The following PRIMPOL variants were observed in gnomAD, a reference collection of about 807,000 sequenced individuals.
The protein encoded by PRIMPOL is DNA-directed primase/polymerase protein.
A neutral mutation model predicts 63.6 loss-of-function variants in PRIMPOL; 54 were observed. The observed-to-expected ratio is 0.85, with a 90% CI of 0.68 to 1.07. The LOEUF is 1.07. Ranked by LOEUF, PRIMPOL falls within the 50% of genes least tolerant of loss-of-function variation. The pLI is 0.00. For missense variants in PRIMPOL, 610 were observed against 648.3 expected, an observed-to-expected ratio of 0.94 and a Z score of 0.64; for synonymous variants, 197 against 220.2, an observed-to-expected ratio of 0.89 and a Z score of 0.93.
At chr4:184,671,781 C>T (rs1425531885) in intron 6 of PRIMPOL, among the ~76,000 whole-genome samples, 1 of 132,414 alleles carries the variant, frequency 7.6e-6, no homozygotes, top group Non-Finnish European at 1.5e-5. Context: ...CTCACTCTGT[C>T]ACCCAGGCTG....
rs919057618 is a variant in PRIMPOL, at chr4:184,694,149, T to A, written c.1426-373T>A. 7 of 882,270 alleles carry A rather than the reference T, an allele frequency of 7.9e-6. No individual in the cohort carries two copies. In the African/African-American group the frequency reaches 1.3e-4, roughly 16 times the overall value. 54.7% of individuals were successfully genotyped at this position (882,270 alleles called of 1,614,324 possible). A position where few individuals can be genotyped will look rare whatever the true frequency, so the allele number is the denominator to read the frequency against. ...ACGATTTGCTAAATACTTTAAAATTTAAAGCATGGGTACTAAGTCCATTGT... is the reference window on the plus strand; with the variant it reads ...ACGATTTGCTAAATACTTTAAAATTAAAAGCATGGGTACTAAGTCCATTGT... On this transcript the variant is annotated intron_variant, in intron 13 of 13. Coordinates refer to ENST00000314970, the MANE Select transcript of PRIMPOL (RefSeq NM_152683.4).
intron 2 of PRIMPOL, among the ~76,000 whole-genome samples, chr4:184,654,876 C>G (rs1248257186): frequency 1.3e-5 from 2 of 152,012 alleles, no homozygotes; most frequent in African/African-American, 4.8e-5. Context: ...CTAGTATATA[C>G]TTTATATGTG....
intron 13 of PRIMPOL, among the ~76,000 whole-genome samples, chr4:184,692,885 CTATTAG>C (rs1477343229): frequency 2.6e-5 from 4 of 152,156 alleles, no homozygotes; most frequent in African/African-American, 9.7e-5. Context: ...TTCGGATTCA[CTATTAG>C]TATTTCTATA....
At chr4:184,677,180 A>G (rs1359150940) in intron 7 of PRIMPOL, among the ~76,000 whole-genome samples, 2 of 150,860 alleles carry the variant, frequency 1.3e-5, no homozygotes, top group Admixed American at 6.6e-5. Flanking sequence ...AGGATCTGCT[A>G]TGTTGCCCAG....
At chr4:184,658,705 G>A (rs538139775) in intron 3 of PRIMPOL, among the ~76,000 whole-genome samples, 1 of 152,118 alleles carries the variant, frequency 6.6e-6, no homozygotes, top group East Asian at 1.9e-4. Flanking sequence ...TCAGGAGTTC[G>A]AGACCAGCCT....
intron 8 of PRIMPOL, among the ~76,000 whole-genome samples, chr4:184,681,432 C>G (rs1259190381): frequency 6.6e-6 from 1 of 152,138 alleles, no homozygotes; most frequent in Non-Finnish European, 1.5e-5. Flanking sequence ...GTAACCCACA[C>G]GCATCCTCCC....
intron 7 of PRIMPOL, 48 bp from the exon 8 acceptor site, chr4:184,678,184 A>G: frequency 7.8e-7 from 1 of 1,275,966 alleles, no homozygotes; most frequent in South Asian, 1.5e-5. Context: ...CTATGAAACT[A>G]ATAACAGAAA....
chr4:184,688,770 G>A (rs993053629), intron 11 of PRIMPOL, among the ~76,000 whole-genome samples: 3 of 152,176 alleles, frequency 2.0e-5, no homozygotes, highest in Non-Finnish European at 4.4e-5. Context: ...AACGTCCTAC[G>A]AAGAGCATTC....
chr4:184,660,622 T>C (rs1040247081), intron 4 of PRIMPOL, among the ~76,000 whole-genome samples: 1 of 152,260 alleles, frequency 6.6e-6, no homozygotes, highest in Non-Finnish European at 1.5e-5. Flanking sequence ...TATGTTGATA[T>C]ACATGCAACA....
At chr4:184,654,706 C>T (rs1261014631) in intron 2 of PRIMPOL, among the ~76,000 whole-genome samples, 2 of 152,204 alleles carry the variant, frequency 1.3e-5, no homozygotes, top group East Asian at 1.9e-4. Flanking sequence ...CCTGCCTTGG[C>T]CTCCGAAAGT....
chr4:184,694,298 T>C, intron 13 of PRIMPOL: 1 of 1,320,806 alleles, frequency 7.6e-7, no homozygotes, highest in Non-Finnish European at 9.7e-7. Context: ...CTGTAGGTAA[T>C]TTCAAATTTG....
At chr4:184,656,766 G>C (rs2150033578) in intron 2 of PRIMPOL, among the ~76,000 whole-genome samples, 1 of 152,286 alleles carries the variant, frequency 6.6e-6, no homozygotes, top group South Asian at 2.1e-4. Flanking sequence ...GTAATTTAGA[G>C]ATTGCTTATG....
intron 11 of PRIMPOL, among the ~76,000 whole-genome samples, chr4:184,687,921 C>T (rs1757418840): frequency 1.3e-5 from 2 of 152,202 alleles, no homozygotes; most frequent in Non-Finnish European, 2.9e-5. Context: ...CGGCCATAAA[C>T]AATATAGTGT....
chr4:184,690,714 T>C (rs1175456648), intron 11 of PRIMPOL, among the ~76,000 whole-genome samples: 2 of 152,200 alleles, frequency 1.3e-5, no homozygotes, highest in African/African-American at 4.8e-5. Context: ...GTTAGTCACT[T>C]AATCCATGTA....
chr4:184,672,257 A>G lies in PRIMPOL; in HGVS notation c.641A>G (p.His214Arg), dbSNP rs1321297505. 3.1e-6 allele frequency: 5 copies of G among 1,613,994 alleles called. No individual in the cohort carries two copies. The Admixed American group carries it at 5.0e-5, about 16-fold the overall frequency. The change falls in exon 7 of 14, where the codon CAT (histidine) becomes CGT (arginine). Residue 214 changes from histidine (H) to arginine (R), a missense_variant. Around this residue, in one of 3 missense-constraint regions of PRIMPOL, gnomAD observed 444 missense variants for 456.4 expected, o/e 0.97. Transcript: ENST00000314970. The part of the protein sequence containing the change: ...DDDSAPETTG[H>R]GFPHFSEAPA... Reference sequence around the variant, plus strand: ...GATAGCGCTCCAGAGACAACAGGCCATGGATTTCCCCATTTTTCAGAAGCA... The same window carrying G: ...GATAGCGCTCCAGAGACAACAGGCCGTGGATTTCCCCATTTTTCAGAAGCA...
chr4:184,692,569 A>G (rs1427335160), intron 13 of PRIMPOL, among the ~76,000 whole-genome samples: 1 of 152,108 alleles, frequency 6.6e-6, no homozygotes, highest in Non-Finnish European at 1.5e-5. Context: ...TTGACCAGAA[A>G]TAAATGATAC....
In PRIMPOL at chr4:184,678,748, G is replaced by A. The variant is rs545793677; in HGVS notation, c.1007+354G>A. 1.4e-3 allele frequency among the ~76,000 whole-genome samples: 210 copies of A among 151,950 alleles called. 2 individuals carry two copies. Among genetic ancestry groups the A allele is most frequent in the African/African-American group, 4.7e-3 (196 of 41,442 alleles). On this transcript the variant is annotated intron_variant, in intron 8 of 13. Transcript: ENST00000314970. Reference sequence around the variant, plus strand: ...TCACCATGTTAGCCAGGCTTGTCTCGAACTCCTGACCTCAGGTGATCTGCC... The same window carrying A: ...TCACCATGTTAGCCAGGCTTGTCTCAAACTCCTGACCTCAGGTGATCTGCC...
intron 11 of PRIMPOL, among the ~76,000 whole-genome samples, chr4:184,687,254 A>G (rs549817927): frequency 6.6e-6 from 1 of 152,286 alleles, no homozygotes; most frequent in South Asian, 2.1e-4. Context: ...TAATTTTAGT[A>G]GAGACGGAGT....
intron 5 of PRIMPOL, among the ~76,000 whole-genome samples, chr4:184,662,841 A>G (rs1427211303): frequency 1.3e-5 from 2 of 151,832 alleles, no homozygotes; most frequent in Admixed American, 6.6e-5. Context: ...TATTTAAAAA[A>G]TATATAGAAT....
Sources: gnomAD v4.1 joint callset for allele counts (sites outside exome capture counted in the v4.1 genomes callset) on GRCh38, gnomAD v4.1.1 for gene constraint, gnomAD v4.1.1 regional missense constraint, MANE v1.5 for transcripts, NCBI Gene and HGNC (gene_info 2026-07-23, HGNC 2026-07-21) for gene names.